XIST: variants seen among roughly 807,000 people sequenced by gnomAD.
XIST encodes the protein X inactive specific transcript.
intron 2 of XIST, among the ~76,000 whole-genome samples, chrX:73,835,009 T>A (rs1004715264): frequency 3.8e-5 from 4 of 103,897 alleles, no homozygotes; most frequent in Non-Finnish European, 7.8e-5. Context: ...AAAAAAAAAA[T>A]CACATAATTC....
At chrX:73,825,340 C>T (rs762251703) in exon 6 of XIST, 1 of 558,776 alleles carries the variant, frequency 1.8e-6, no homozygotes, top group Non-Finnish European at 3.2e-6. Context: ...AGTACTATAT[C>T]CTTTTGAAAG....
intron 2 of XIST, chrX:73,833,445 C>A: frequency 2.1e-6 from 1 of 486,216 alleles, no homozygotes; most frequent in Non-Finnish European, 3.6e-6. Flanking sequence ...TACAAAAACC[C>A]CAATGAAAAA....
exon 6 of XIST, chrX:73,825,739 TACATAATG>T (rs1316231455): frequency 1.9e-6 from 1 of 513,818 alleles, no homozygotes; most frequent in African/African-American, 2.3e-5. Flanking sequence ...ACCCCTGATT[TACATAATG>T]CTTCACAATT....
At position 73,843,609 on chromosome X, in the gene XIST, ATTAAGTCCAAAAGAAGGGGCAC is replaced by A. The variant is rs763192858; in HGVS notation, n.9093_9114del. 38 of 557,256 alleles carry A rather than the reference ATTAAGTCCAAAAGAAGGGGCAC, an allele frequency of 6.8e-5. 1 individual carries two copies. In the South Asian group the frequency reaches 8.5e-4, roughly 12 times the overall value. 45.9% of individuals were successfully genotyped at this position (557,256 alleles called of 1,213,427 possible). A position where few individuals can be genotyped will look rare whatever the true frequency, so the allele number is the denominator to read the frequency against. On this transcript the variant is annotated non_coding_transcript_exon_variant, in exon 1 of 6. Transcript: ENST00000429829. The stretch of plus-strand genomic sequence containing the variant: ...GAGGTGGACAATTGCATTAATGCAT[ATTAAGTCCAAAAGAAGGGGCAC>A]TTAGTGAATATCATCCCCCTGCTCT...
At chrX:73,842,555 C>T in exon 1 of XIST, 1 of 558,844 alleles carries the variant, frequency 1.8e-6, no homozygotes, top group Admixed American at 2.2e-5. Flanking sequence ...TCATAGTCAA[C>T]ACTGCACCAA....
chrX:73,827,297 A>G, exon 6 of XIST: 1 of 558,606 alleles, frequency 1.8e-6, no homozygotes, highest in Non-Finnish European at 3.2e-6. Context: ...TGACACACAC[A>G]CACGTACACT....
chrX:73,825,903 T>G, exon 6 of XIST: 1 of 559,128 alleles, frequency 1.8e-6, no homozygotes. Flanking sequence ...AGGAAAGTAT[T>G]AAACATGCTC....
exon 1 of XIST, chrX:73,847,295 T>C (rs1922796661): frequency 1.8e-6 from 1 of 547,568 alleles, no homozygotes. Flanking sequence ...CAACTACTGC[T>C]AATTATGCGC....
rs148754513 is a variant in XIST at position 73,842,183 on chromosome X, A to G, written n.10541T>C. ...ATGTCTTTCTTAAAAAAATTTTTTT[A>G]ATAATAATAAGCAATTTTTCTGGCT... On this transcript the variant is annotated non_coding_transcript_exon_variant, in exon 1 of 6. Coordinates refer to ENST00000429829, the Ensembl canonical transcript of XIST. 625 of 509,228 alleles carry G rather than the reference A, an allele frequency of 1.2e-3. 4 individuals carry two copies. In the African/African-American group the frequency reaches 0.013, roughly 11 times the overall value. 42.0% of individuals were successfully genotyped at this position (509,228 alleles called of 1,213,427 possible). A position where few individuals can be genotyped will look rare whatever the true frequency, so the allele number is the denominator to read the frequency against.
exon 5 of XIST, chrX:73,829,093 G>A: frequency 1.8e-6 from 1 of 558,493 alleles, no homozygotes; most frequent in Non-Finnish European, 3.2e-6. Context: ...TCAAGTGCTA[G>A]AGTGCCAGGC....
chrX:73,843,261 A>T, exon 1 of XIST: 3 of 558,848 alleles, frequency 5.4e-6, no homozygotes, highest in Non-Finnish European at 9.7e-6. Context: ...TATAATTGCA[A>T]ATATTCACAT....
At chrX:73,838,712 T>C (rs1011933977) in intron 1 of XIST, among the ~76,000 whole-genome samples, 5 of 111,389 alleles carry the variant, frequency 4.5e-5, no homozygotes, top group African/African-American at 1.3e-4. Context: ...TAGTGATATA[T>C]AACTGTACAT....
At chrX:73,851,172 T>C (rs1922929860) in exon 1 of XIST, 1 of 559,188 alleles carries the variant, frequency 1.8e-6, no homozygotes, top group Non-Finnish European at 3.2e-6. Context: ...TCCCACCTTT[T>C]CTCCCGCTCT....
exon 1 of XIST, chrX:73,850,200 T>C (rs762947759): frequency 5.3e-5 from 29 of 549,163 alleles, no homozygotes; most frequent in African/African-American, 4.5e-4. Context: ...CAAAGGAAAA[T>C]AGTTAAGTCA....
At position 73,826,359 on chromosome X, in the gene XIST, T is replaced by G. The variant is rs1232677753; in HGVS notation, n.13542A>C. On this transcript the variant is annotated non_coding_transcript_exon_variant, in exon 6 of 6. Coordinates refer to ENST00000429829, the Ensembl canonical transcript of XIST. ...ATGAATGTCTGCTCCTGAGGGAAGT[T>G]AACAAAAGCCAGATTAGATACTGAC... 34 of 557,293 alleles carry G rather than the reference T, an allele frequency of 6.1e-5. No homozygotes were observed. The Admixed American group carries it at 7.6e-4, about 12-fold the overall frequency. 45.9% of individuals were successfully genotyped at this position (557,293 alleles called of 1,213,427 possible). A position where few individuals can be genotyped will look rare whatever the true frequency, so the allele number is the denominator to read the frequency against.
In XIST at chrX:73,838,362, C is replaced by A. The variant is rs749502372; in HGVS notation, n.11343-859G>T. 1.8e-4 allele frequency among the ~76,000 whole-genome samples: 20 copies of A among 110,889 alleles called. No homozygotes were observed. In the East Asian group the frequency reaches 4.5e-3, roughly 25 times the overall value. On this transcript the variant is annotated intron_variant and non_coding_transcript_variant, in intron 1 of 5. Transcript: ENST00000429829. ...TGCTTGGGTCTACTGCATAACCTCT[C>A]ATGTTTCCGGGAACACTAGAAGACT...
chrX:73,836,404 C>T (rs1169390833), intron 2 of XIST, among the ~76,000 whole-genome samples: 1 of 111,407 alleles, frequency 9.0e-6, no homozygotes, highest in Middle Eastern at 4.2e-3. Context: ...CAAACACTCA[C>T]TACCGTAATA....
At chrX:73,849,310 A>G (rs774708815) in exon 1 of XIST, 5 of 559,153 alleles carry the variant, frequency 8.9e-6, no homozygotes. Context: ...TAACTGTCCA[A>G]CAAAAGACGG....
rs1396674214 is a variant in XIST, at chrX:73,838,335, ATTGCTTGGGT to A, written n.11343-842_11343-833del. Among the ~76,000 whole-genome samples, 22 of 111,145 alleles carry A rather than the reference ATTGCTTGGGT, an allele frequency of 2.0e-4. No homozygotes were observed. The East Asian group carries it at 5.1e-3, about 26-fold the overall frequency. On this transcript the variant is annotated intron_variant and non_coding_transcript_variant, in intron 1 of 5. Coordinates refer to ENST00000429829, the Ensembl canonical transcript of XIST. ...GCACTTGATTATGTAATAAGAGGGT[ATTGCTTGGGT>A]CTACTGCATAACCTCTCATGTTTCC...
Sources: allele counts gnomAD v4.1 joint callset (sites outside exome capture counted in the v4.1 genomes callset), GRCh38; gene constraint gnomAD v4.1.1; transcripts MANE v1.5; gene names NCBI Gene and HGNC (gene_info 2026-07-23, HGNC 2026-07-21).